Variants in PAPLN observed in about 807,000 individuals in gnomAD.
The protein encoded by PAPLN is papilin, proteoglycan like sulfated glycoprotein, also known as papilin.
PAPLN carries 146 observed loss-of-function variants against 159.0 expected under a neutral mutation model. The observed-to-expected ratio is 0.92, with a 90% CI of 0.80 to 1.05. The LOEUF (loss-of-function observed/expected upper bound fraction) is 1.05. PAPLN is among the 50% of genes least tolerant of loss of function. PAPLN has a pLI of 0.00. For synonymous variants in PAPLN, 734 were observed against 702.9 expected (o/e 1.04, Z -0.70); for missense variants, 1,720 against 1,743.9 (o/e 0.99, Z 0.24).
chr14:73,236,847 GTA>G, upstream of PAPLN, among the ~76,000 whole-genome samples: 9 of 138,874 alleles, frequency 6.5e-5, no homozygotes, highest in African/African-American at 2.6e-4. Flanking sequence ...AGGGAGGAAA[GTA>G]GAAAGAAAGA....
At chr14:73,253,346 G>A in intron 11 of PAPLN, 1 of 943,324 alleles carries the variant, frequency 1.1e-6, no homozygotes, top group Non-Finnish European at 1.5e-6. Context: ...CCACAGGGCT[G>A]CTCTTTCCTC....
In PAPLN at chr14:73,265,505, C is replaced by G. The variant is rs1887131332; in HGVS notation, c.3261C>G (p.Pro1087=). Residue 1087 remains proline, a splice_region_variant and synonymous_variant, in exon 23 of 27, where the codon CCC becomes CCG. Coordinates refer to ENST00000644200, the MANE Select transcript of PAPLN (RefSeq NM_001365906.3). The surrounding 1 kb of genome is among the most constrained non-coding windows in gnomAD (Gnocchi z 4.1). ...WQRDGQPVSS[P]RHQLQPDGSL... is the part of the protein sequence containing the mutation. ...GAGATGGGCAGCCTGTCTCTTCTCC[C>G]AGGTTTATTTGACTCCTCTCCCCTT... The G allele has an allele frequency of 3.1e-6, 5 of 1,613,506 alleles. 1 individual carries two copies. The Admixed American group carries it at 8.3e-5, about 27-fold the overall frequency.
chr14:73,241,013 CG>C (rs541640505), intron 2 of PAPLN, among the ~76,000 whole-genome samples: 98 of 146,116 alleles, frequency 6.7e-4, no homozygotes, highest in African/African-American at 1.5e-3. Flanking sequence ...ATGGGGAGGT[CG>C]GGGGGGGGAT....
chr14:73,249,901 C>T, intron 5 of PAPLN, 83 bp from the exon 6 acceptor site: 2 of 1,445,814 alleles, frequency 1.4e-6, no homozygotes, highest in Non-Finnish European at 1.8e-6. Flanking sequence ...CCCATGCTTT[C>T]CTGTTGCTAG....
chr14:73,239,041 T>C (rs1883255713), intron 1 of PAPLN, among the ~76,000 whole-genome samples: 1 of 152,202 alleles, frequency 6.6e-6, no homozygotes, highest in African/African-American at 2.4e-5. Flanking sequence ...CACACCAGAC[T>C]GCACATGGAC....
intron 17 of PAPLN, 149 bp from the exon 18 acceptor site, chr14:73,261,006 AG>A: frequency 7.0e-7 from 1 of 1,431,302 alleles, no homozygotes; most frequent in Non-Finnish European, 9.4e-7. Flanking sequence ...GGGGTGGATC[AG>A]GGGTTTCATC....
At position 73,265,586 on chromosome 14, in the gene PAPLN, G is replaced by C; in HGVS notation, c.3263+79G>C. ...CCTATGGAGGCCACCGGGGAAGGGA[G>C]CTGCTAGCGCATGGTCATGGCCAGT... On this transcript the variant is annotated intron_variant, in intron 23 of 26. Coordinates refer to ENST00000644200, the MANE Select transcript of PAPLN (RefSeq NM_001365906.3). The surrounding 1 kb of genome is among the most constrained non-coding windows in gnomAD (Gnocchi z 4.1). 1 of 1,563,128 alleles carries C rather than the reference G, an allele frequency of 6.4e-7. No homozygotes were observed. The highest frequency in any genetic ancestry group is 1.2e-5 in the South Asian group (1 of 82,676).
upstream of PAPLN, among the ~76,000 whole-genome samples, chr14:73,236,815 TA>T (rs901162327): frequency 0.037 from 2,853 of 76,798 alleles, 87 homozygotes; most frequent in African/African-American, 0.11. Context: ...AAACTCCGTC[TA>T]AAAAAAAAAA....
chr14:73,268,353 C>T lies in PAPLN; in HGVS notation c.3501-204C>T, dbSNP rs2140309944. On this transcript the variant is annotated intron_variant, in intron 25 of 26. Transcript: ENST00000644200. The stretch of plus-strand genomic sequence containing the variant: ...CTCGCCATTCACCCCAGCCTTGGAT[C>T]TCCCAAGGTTGGAGGGGCACCATCA... The T allele has an allele frequency of 1.0e-5, 5 of 496,156 alleles. No individual in the cohort carries two copies. In the South Asian group the frequency reaches 1.1e-4, roughly 11 times the overall value. 30.7% of individuals were successfully genotyped at this position (496,156 alleles called of 1,614,324 possible).
At chr14:73,244,434 A>G (rs1054930277) in intron 2 of PAPLN, 7 of 518,938 alleles carry the variant, frequency 1.3e-5, no homozygotes, top group Non-Finnish European at 1.7e-5. Flanking sequence ...CCTGGCTCTC[A>G]GCTCCTTATG....
Position 73,245,973 on chromosome 14 carries a change from G to A in PAPLN, c.232-100G>A. The A allele has an allele frequency of 1.6e-6, 2 of 1,232,318 alleles. No individual in the cohort carries two copies. The highest frequency in any genetic ancestry group is 2.2e-6 in the Non-Finnish European group (2 of 914,430). The allele number at this position is 1,232,318 out of a possible 1,614,324, so 76.3% of individuals were successfully genotyped here. On this transcript the variant is annotated intron_variant, in intron 4 of 26. Transcript: ENST00000644200. The surrounding 1 kb of genome is among the most constrained non-coding windows in gnomAD (Gnocchi z 4.2). The stretch of plus-strand genomic sequence containing the variant: ...ACCTCCGGCGGCTCCGATGGGGCAG[G>A]CAAGGGAGACTCCTGGGCTCCCTGG...
At chr14:73,270,501 C>T (rs1887624962) in intron 26 of PAPLN, among the ~76,000 whole-genome samples, 1 of 152,218 alleles carries the variant, frequency 6.6e-6, no homozygotes, top group African/African-American at 2.4e-5. Context: ...TAAGTGCCTG[C>T]CTGCACAATG....
At chr14:73,253,643 G>T (rs1885559684) in intron 11 of PAPLN, 111 bp from the exon 12 acceptor site, 2 of 994,626 alleles carry the variant, frequency 2.0e-6, no homozygotes, top group Admixed American at 5.3e-5. Flanking sequence ...TCAGAGGATG[G>T]GCTGGGGTGG....
chr14:73,256,883 CAAAAAT>C (rs1046367284), intron 14 of PAPLN, among the ~76,000 whole-genome samples: 6 of 150,644 alleles, frequency 4.0e-5, no homozygotes, highest in Admixed American at 3.3e-4. Flanking sequence ...GATTCTATCT[CAAAAAT>C]AAAAAGATTA....
chr14:73,262,493 G>C lies in PAPLN; in HGVS notation c.2389G>C (p.Glu797Gln), dbSNP rs1231955848. ...TGGCAATGCCAATAACTTTGCCTCG[G>C]AGCAAGAGTGCATGAGCAGCTGCCA... ...CHGNANNFAS[E>Q]QECMSSCQGS... Residue 797 changes from glutamate to glutamine, a missense_variant, in exon 19 of 27, where the codon GAG becomes CAG. Glu to Gln is a conservative substitution (Grantham distance 29, BLOSUM62 2). Coordinates refer to ENST00000644200, the MANE Select transcript of PAPLN (RefSeq NM_001365906.3). The C allele has an allele frequency of 6.3e-7, 1 of 1,594,774 alleles. No individual in the cohort carries two copies. Among genetic ancestry groups the C allele is most frequent in the Non-Finnish European group, 8.5e-7 (1 of 1,170,398 alleles).
chr14:73,269,295 G>GT (rs34074114), intron 26 of PAPLN, among the ~76,000 whole-genome samples: 63 of 148,458 alleles, frequency 4.2e-4, no homozygotes, highest in African/African-American at 5.9e-4. Flanking sequence ...GACTCCCCAT[G>GT]TTTTTTTTTT....
chr14:73,261,333 ACT>A, intron 18 of PAPLN, 39 bp downstream of exon 18: 3 of 1,600,194 alleles, frequency 1.9e-6, no homozygotes, highest in African/African-American at 1.3e-5. Flanking sequence ...CGATGGGTAG[ACT>A]CTGCTCCCAC....
chr14:73,251,804 C>CG lies in PAPLN; in HGVS notation c.815dup (p.Thr274HisfsTer21). ...CCTGGCCCCTGAGCGACTCCATGCC[C>CG]GGGGCCCCACCTCGGAGCCCCTGGT... On this transcript the variant is annotated frameshift_variant, in exon 9 of 27. Transcript: ENST00000644200. LOFTEE classifies it high-confidence loss of function. The CG allele has an allele frequency of 6.2e-7, 1 of 1,600,902 alleles. No homozygotes were observed. The highest frequency in any genetic ancestry group is 8.5e-7 in the Non-Finnish European group (1 of 1,175,750).
intron 18 of PAPLN, among the ~76,000 whole-genome samples, chr14:73,261,756 G>A (rs559860848): frequency 1.2e-4 from 18 of 152,340 alleles, no homozygotes; most frequent in African/African-American, 3.6e-4. Flanking sequence ...GAACCATCAC[G>A]AGGACCTCAA....
Sources: gnomAD v4.1 joint callset for allele counts (sites outside exome capture counted in the v4.1 genomes callset) on GRCh38, gnomAD v4.1.1 for gene constraint, Gnocchi (gnomAD v3.1) non-coding constraint, MANE v1.5 for transcripts, NCBI Gene and HGNC (gene_info 2026-07-23, HGNC 2026-07-21) for gene names.